The following SPANXN1 variants were observed in gnomAD, a reference collection of about 807,000 sequenced individuals.
SPANXN1 encodes SPANX family member N1, also known as sperm protein associated with the nucleus on the X chromosome N1.
A neutral mutation model predicts 2.0 loss-of-function variants in SPANXN1; 1 was observed. That is an observed-to-expected ratio of 0.50 (90% confidence interval 0.18 to 2.36). The LOEUF (loss-of-function observed/expected upper bound fraction) is 2.36. SPANXN1 is among the 30% of genes most tolerant of loss of function. SPANXN1 has a pLI of 0.26. For synonymous variants in SPANXN1, 27 were observed against 21.3 expected (o/e 1.27, Z -0.74); for missense variants, 55 against 51.8 (o/e 1.06, Z -0.19).
rs5966491 is a variant in SPANXN1, at chrX:145,255,983, A to G, written c.*169A>G. On this transcript the variant is annotated 3_prime_UTR_variant, in exon 2 of 2. Transcript: ENST00000370493. The stretch of plus-strand genomic sequence containing the variant: ...CTTACCTGAAGGATCTTCAAAGCAG[A>G]ATGAAGACCTAGGCTTACCTGAAGG... The G allele has an allele frequency of 0.035, 33,155 of 951,318 alleles. 4,421 individuals are homozygous for G. In the African/African-American group the frequency reaches 0.46, roughly 13 times the overall value. 78.4% of individuals were successfully genotyped at this position (951,318 alleles called of 1,213,427 possible).
At chrX:145,253,965 G>A (rs2070796631) in intron 1 of SPANXN1, among the ~76,000 whole-genome samples, 1 of 110,900 alleles carries the variant, frequency 9.0e-6, no homozygotes, top group Admixed American at 9.6e-5. Context: ...CCTCCTGCAA[G>A]GGAAGGACTT....
intron 1 of SPANXN1, among the ~76,000 whole-genome samples, chrX:145,253,627 T>C (rs2070795155): frequency 9.0e-6 from 1 of 111,298 alleles, no homozygotes. Context: ...CTGGTTTCTG[T>C]CTGTCTACAG....
chrX:145,248,889 TC>T (rs782275850), intron 1 of SPANXN1, among the ~76,000 whole-genome samples: 43 of 111,662 alleles, frequency 3.9e-4, no homozygotes, highest in Non-Finnish European at 6.4e-4. Flanking sequence ...GTGCATGTTT[TC>T]CAGGGAGCGC....
At chrX:145,253,962 C>T (rs1556882787) in intron 1 of SPANXN1, among the ~76,000 whole-genome samples, 1 of 110,385 alleles carries the variant, frequency 9.1e-6, no homozygotes, top group Non-Finnish European at 1.9e-5. Flanking sequence ...CAACCTCCTG[C>T]AAGGGAAGGA....
chrX:145,248,109 C>G (rs1175827233), intron 1 of SPANXN1, among the ~76,000 whole-genome samples: 2 of 111,892 alleles, frequency 1.8e-5, no homozygotes, highest in Non-Finnish European at 3.8e-5. Context: ...GTGGTTTGGA[C>G]TCACATTCTT....
chrX:145,255,515 C>G (rs191043052), intron 1 of SPANXN1, among the ~76,000 whole-genome samples, 156 bp from the exon 2 acceptor site: 91 of 110,228 alleles, frequency 8.3e-4, no homozygotes, highest in African/African-American at 2.5e-3. Context: ...TTCTTCTTCC[C>G]CATAGATCCC....
intron 1 of SPANXN1, among the ~76,000 whole-genome samples, chrX:145,252,028 G>C (rs782467444): frequency 9.0e-6 from 1 of 111,412 alleles, no homozygotes; most frequent in East Asian, 2.8e-4. Context: ...AAACCTGAGT[G>C]GTGTGTTGAA....
intron 1 of SPANXN1, among the ~76,000 whole-genome samples, chrX:145,251,262 A>G (rs2070784567): frequency 9.0e-6 from 1 of 111,411 alleles, no homozygotes; most frequent in African/African-American, 3.3e-5. Flanking sequence ...TACAGGGAGG[A>G]GGGTGGCTGG....
At chrX:145,252,740 G>A (rs2070791255) in intron 1 of SPANXN1, among the ~76,000 whole-genome samples, 1 of 109,990 alleles carries the variant, frequency 9.1e-6, no homozygotes, top group South Asian at 4.0e-4. Context: ...AGAATTGTAG[G>A]AGCCACATTG....
rs2070808468 is a variant in SPANXN1 at position 145,255,832 on chromosome X, A to C, written c.*18A>C. 5.8e-6 allele frequency: 7 copies of C among 1,212,325 alleles called. No individual in the cohort carries two copies. Among genetic ancestry groups the C allele is most frequent in the Non-Finnish European group, 6.7e-6 (6 of 895,587 alleles). On this transcript the variant is annotated 3_prime_UTR_variant, in exon 2 of 2. Transcript: ENST00000370493. ...AGTCCTGAGAGAACTCCATCAATCC[A>C]GTCCAAGAGGAGGAGGACGAAGGCC...
chrX:145,247,741 G>C lies in SPANXN1; in HGVS notation c.75+80G>C, dbSNP rs1281111490. 12 of 1,042,836 alleles carry C rather than the reference G, an allele frequency of 1.2e-5. No homozygotes were observed. In the East Asian group the frequency reaches 3.4e-4, roughly 29 times the overall value. The allele number at this position is 1,042,836 out of a possible 1,213,427, so 85.9% of individuals were successfully genotyped here. Reference sequence around the variant, plus strand: ...AAGGGACGGCTCAAACAGCAACACAGGAATATTGCAGACACCTGTGGAAGT... The same window carrying C: ...AAGGGACGGCTCAAACAGCAACACACGAATATTGCAGACACCTGTGGAAGT... On this transcript the variant is annotated intron_variant, in intron 1 of 1. Transcript: ENST00000370493.
chrX:145,250,721 G>A (rs1366379845), intron 1 of SPANXN1, among the ~76,000 whole-genome samples: 3 of 111,261 alleles, frequency 2.7e-5, no homozygotes, highest in African/African-American at 9.8e-5. Context: ...ATAACGATGG[G>A]GTTTTAAGGG....
At chrX:145,252,679 T>C (rs1480499855) in intron 1 of SPANXN1, among the ~76,000 whole-genome samples, 1 of 109,343 alleles carries the variant, frequency 9.1e-6, no homozygotes, top group Non-Finnish European at 1.9e-5. Flanking sequence ...ATAATGAGGA[T>C]GAGTAGGGGG....
chrX:145,250,977 A>T (rs1209109966), intron 1 of SPANXN1, among the ~76,000 whole-genome samples: 57 of 111,601 alleles, frequency 5.1e-4, no homozygotes, highest in Non-Finnish European at 9.8e-4. Context: ...GTAAATGTTG[A>T]CCCTCTTTCC....
At chrX:145,249,443 A>T (rs1253959082) in intron 1 of SPANXN1, among the ~76,000 whole-genome samples, 8 of 111,230 alleles carry the variant, frequency 7.2e-5, no homozygotes, top group African/African-American at 2.6e-4. Context: ...CCAGGGACAT[A>T]GGGAAGGGAA....
At chrX:145,251,729 G>A (rs1454451403) in intron 1 of SPANXN1, among the ~76,000 whole-genome samples, 2 of 111,424 alleles carry the variant, frequency 1.8e-5, no homozygotes, top group African/African-American at 6.5e-5. Context: ...TGTTTTAGTG[G>A]GAATTGATGG....
At position 145,255,772 on chromosome X, in the gene SPANXN1, T is replaced by TA. The variant is rs1556883097; in HGVS notation, c.179dup (p.Lys61GlufsTer10). On this transcript the variant is annotated frameshift_variant, in exon 2 of 2. Transcript: ENST00000370493. LOFTEE classifies it low-confidence loss of function (END_TRUNC). ...TATTAGCGTTTTGCTACAGGAAAGC[T>TA]AAGAAAATACATTCAAATCAACTGG... 8.3e-7 allele frequency: 1 copy of TA among 1,210,642 alleles called. No homozygotes were observed. Among genetic ancestry groups the TA allele is most frequent in the African/African-American group, 1.7e-5 (1 of 57,282 alleles).
At chrX:145,250,356 T>C (rs1227195980) in intron 1 of SPANXN1, among the ~76,000 whole-genome samples, 1 of 111,284 alleles carries the variant, frequency 9.0e-6, no homozygotes, top group South Asian at 3.8e-4. Flanking sequence ...GTGAGTGATG[T>C]TGATTTGCTA....
At chrX:145,248,751 T>C (rs1380142291) in intron 1 of SPANXN1, among the ~76,000 whole-genome samples, 1 of 111,313 alleles carries the variant, frequency 9.0e-6, no homozygotes, top group African/African-American at 3.3e-5. Context: ...TGATAGGAAA[T>C]GTTGGTGGTG....
Sources: allele counts gnomAD v4.1 joint callset (sites outside exome capture counted in the v4.1 genomes callset), GRCh38; gene constraint gnomAD v4.1.1; transcripts MANE v1.5; gene names NCBI Gene and HGNC (gene_info 2026-07-23, HGNC 2026-07-21).